The following FRY variants were observed in gnomAD, a reference collection of about 807,000 sequenced individuals.
FRY encodes the protein FRY microtubule binding protein.
A neutral mutation model predicts 348.4 loss-of-function variants in FRY; 128 were observed. The observed-to-expected ratio is 0.37, with a 90% CI of 0.32 to 0.43. The LOEUF is 0.43. Ranked by LOEUF, FRY falls within the 20% of genes least tolerant of loss-of-function variation. The probability of loss-of-function intolerance (pLI) is 1.00; values close to 1 mark genes in which losing one functional copy is unlikely to be tolerated. For synonymous variants in FRY, 1,370 were observed against 1,374.7 expected (o/e 1.00, Z 0.08); for missense variants, 2,736 against 3,695.2 (o/e 0.74, Z 6.73).
At chr13:32,131,591 A>G in intron 7 of FRY, 81 bp from the exon 8 acceptor site, 1 of 922,332 alleles carries the variant, frequency 1.1e-6, no homozygotes. Context: ...GCTCTGCTCA[A>G]TCACTCCCAG....
intron 28 of FRY, 127 bp from the exon 29 acceptor site, chr13:32,194,016 A>C (rs372687125): frequency 2.1e-6 from 2 of 936,122 alleles, no homozygotes; most frequent in African/African-American, 3.2e-5. Context: ...TGACATAAAA[A>C]CCAAAATGAA....
intron 15 of FRY, among the ~76,000 whole-genome samples, 170 bp downstream of exon 15, chr13:32,155,832 CTT>C (rs772718709): frequency 1.3e-5 from 2 of 152,092 alleles, no homozygotes; most frequent in Non-Finnish European, 2.9e-5. Context: ...TTTTACTGCT[CTT>C]TAAACTTTTT....
chr13:32,239,352 A>G lies in FRY; in HGVS notation c.6516+3A>G. 2.6e-6 allele frequency: 4 copies of G among 1,566,008 alleles called. No homozygotes were observed. Among genetic ancestry groups the G allele is most frequent in the Non-Finnish European group, 3.5e-6 (4 of 1,136,140 alleles). On this transcript the variant is annotated splice_donor_region_variant and intron_variant, in intron 45 of 60. Transcript: ENST00000542859. This position sits in a 1 kb window ranked among gnomAD's most constrained non-coding sequence, Gnocchi z 4.3. ...ATATAGCCGAAAGGATTGCTCAGGT[A>G]TGAGTTACAGTTCCACACTCAGGCA...
At chr13:32,110,258 T>A (rs1281579799) in intron 3 of FRY, among the ~76,000 whole-genome samples, 1 of 152,210 alleles carries the variant, frequency 6.6e-6, no homozygotes, top group African/African-American at 2.4e-5. Context: ...ATGAGTTCCT[T>A]ATCTGGCATC....
At chr13:32,161,362 T>G (rs1000831593) in intron 17 of FRY, 111 bp downstream of exon 17, 6 of 832,422 alleles carry the variant, frequency 7.2e-6, no homozygotes, top group South Asian at 1.4e-5. Flanking sequence ...AATGAGGTAC[T>G]GGGTATGGGC....
chr13:32,283,146 A>T (rs1364672802), intron 58 of FRY, among the ~76,000 whole-genome samples: 1 of 151,948 alleles, frequency 6.6e-6, no homozygotes, highest in Non-Finnish European at 1.5e-5. Context: ...ATCTCAAAAA[A>T]AAAAAACAAA....
At chr13:32,107,023 T>C (rs1254259738) in intron 3 of FRY, among the ~76,000 whole-genome samples, 4 of 152,244 alleles carry the variant, frequency 2.6e-5, no homozygotes, top group African/African-American at 9.6e-5. Flanking sequence ...TGGTTTAGTA[T>C]TTCTAAATTT....
chr13:32,228,223 G>A (rs992861972), intron 39 of FRY, among the ~76,000 whole-genome samples: 6 of 152,186 alleles, frequency 3.9e-5, no homozygotes, highest in African/African-American at 1.4e-4. Context: ...GTAGAAAGCA[G>A]CAGATCACCT....
chr13:32,037,185 TTTGA>T (rs1197170086), intron 1 of FRY, among the ~76,000 whole-genome samples: 1 of 152,220 alleles, frequency 6.6e-6, no homozygotes, highest in African/African-American at 2.4e-5. Flanking sequence ...CCTATGATCA[TTTGA>T]TTAAATGTAT....
intron 51 of FRY, among the ~76,000 whole-genome samples, chr13:32,260,065 G>A (rs1250880228): frequency 6.6e-6 from 1 of 152,170 alleles, no homozygotes; most frequent in African/African-American, 2.4e-5. Flanking sequence ...AATAGCCCAA[G>A]CAGACTTTGA....
At chr13:32,105,714 C>T (rs1877492620) in intron 3 of FRY, among the ~76,000 whole-genome samples, 2 of 152,102 alleles carry the variant, frequency 1.3e-5, no homozygotes, top group African/African-American at 4.8e-5. Flanking sequence ...TTATTTAGTA[C>T]TTATATGTGA....
Position 32,294,713 on chromosome 13 carries a change from ACACTCAG to A in FRY, c.8783+145_8783+151del, listed in dbSNP as rs538594210. On this transcript the variant is annotated intron_variant, in intron 60 of 60. Coordinates refer to ENST00000542859, the MANE Select transcript of FRY (RefSeq NM_023037.3). Reference sequence around the variant, plus strand: ...GATCTTTACTGCTGCCAAACCAGAAACACTCAGCTTTCAGAACACTACATATTGAAAG... The same window carrying A: ...GATCTTTACTGCTGCCAAACCAGAAACTTTCAGAACACTACATATTGAAAG... The A allele has an allele frequency of 5.9e-4, 423 of 713,862 alleles. 2 individuals are homozygous for A. The African/African-American group carries it at 6.8e-3, about 11-fold the overall frequency. 44.2% of individuals were successfully genotyped at this position (713,862 alleles called of 1,614,324 possible). A position where few individuals can be genotyped will look rare whatever the true frequency, so the allele number is the denominator to read the frequency against.
At chr13:32,055,243 C>A (rs1873558687) in intron 1 of FRY, among the ~76,000 whole-genome samples, 1 of 151,950 alleles carries the variant, frequency 6.6e-6, no homozygotes, top group African/African-American at 2.4e-5. Flanking sequence ...CAGGGTTTTG[C>A]CATGTTGCCC....
intron 29 of FRY, among the ~76,000 whole-genome samples, chr13:32,200,350 C>T (rs1883941660): frequency 6.6e-6 from 1 of 152,138 alleles, no homozygotes; most frequent in South Asian, 2.1e-4. Flanking sequence ...GTTTTTTCAC[C>T]TTCAAACTAT....
intron 14 of FRY, among the ~76,000 whole-genome samples, chr13:32,150,565 G>A (rs961108742): frequency 6.6e-6 from 1 of 151,962 alleles, no homozygotes; most frequent in African/African-American, 2.4e-5. Context: ...TTTTTCACCA[G>A]TAAAAAGGAC....
intron 1 of FRY, among the ~76,000 whole-genome samples, chr13:32,061,728 G>A (rs560189584): frequency 4.8e-4 from 73 of 152,194 alleles, no homozygotes; most frequent in African/African-American, 1.7e-3. Context: ...ACAGGACACC[G>A]TATGTTAACT....
intron 17 of FRY, among the ~76,000 whole-genome samples, chr13:32,169,769 G>A (rs969317758): frequency 6.6e-6 from 1 of 152,050 alleles, no homozygotes; most frequent in Non-Finnish European, 1.5e-5. Context: ...TCTTAGGAGG[G>A]TCTCTCTTAA....
intron 41 of FRY, among the ~76,000 whole-genome samples, chr13:32,233,185 C>A (rs775300368): frequency 6.6e-6 from 1 of 152,158 alleles, no homozygotes; most frequent in African/African-American, 2.4e-5. Context: ...TCTGCAGGAA[C>A]ATTTTCTTGT....
rs778248945 is a variant in FRY at position 32,173,498 on chromosome 13, T to C, written c.2283T>C (p.Val761=). ...AGGTGGCCACACGCAAACTGTCCGT[T>C]TTAATACTCAAGGAAATTCGAGCGT... ...SFQVATRKLS[V]LILKEIRALF... is the part of the protein sequence containing the mutation. The change falls in exon 19 of 61, where the codon GTT becomes GTC. Residue 761 remains valine (V), a synonymous_variant. Coordinates refer to ENST00000542859, the MANE Select transcript of FRY (RefSeq NM_023037.3). The C allele has an allele frequency of 1.9e-6, 3 of 1,613,748 alleles. No homozygotes were observed. The highest frequency in any genetic ancestry group is 2.5e-6 in the Non-Finnish European group (3 of 1,179,934).
Sources: gnomAD v4.1 joint callset for allele counts (sites outside exome capture counted in the v4.1 genomes callset) on GRCh38, gnomAD v4.1.1 for gene constraint, Gnocchi (gnomAD v3.1) non-coding constraint, MANE v1.5 for transcripts, NCBI Gene and HGNC (gene_info 2026-07-23, HGNC 2026-07-21) for gene names.